The following KIR2DL4 variants were observed in gnomAD, a reference collection of about 807,000 sequenced individuals.
KIR2DL4 encodes killer cell immunoglobulin like receptor, two Ig domains and long cytoplasmic tail 4, also known as killer cell immunoglobulin-like receptor 2DL4.
In KIR2DL4, 41 loss-of-function variants were observed where a neutral mutation model predicts 31.0. The ratio of observed to expected loss-of-function variants is 1.32; its 90% CI spans 1.03 to 1.72. KIR2DL4 has a LOEUF of 1.72. Ranked by LOEUF, KIR2DL4 falls within the 40% of genes most tolerant of loss-of-function variation. The pLI, the probability that KIR2DL4 is intolerant of heterozygous loss-of-function variation, is 0.00. For synonymous variants in KIR2DL4, 164 were observed against 133.6 expected (o/e 1.23, Z -1.57); for missense variants, 438 against 353.7 (o/e 1.24, Z -1.91).
chr19:54,812,586 C>G (rs3865509), intron 5 of KIR2DL4, among the ~76,000 whole-genome samples: 6,192 of 149,820 alleles, frequency 0.041, 279 homozygotes, highest in East Asian at 0.091. Flanking sequence ...GCACGCTGTA[C>G]TAGAAGCAGG....
chr19:54,811,872 G>A (rs938247389), intron 5 of KIR2DL4, among the ~76,000 whole-genome samples: 46 of 151,408 alleles, frequency 3.0e-4, no homozygotes, highest in East Asian at 1.5e-3. Flanking sequence ...AGACTCTCGG[G>A]TGGAACAGCA....
rs604076 is a variant in KIR2DL4, at chr19:54,803,871, A to C, written c.41-20A>C. On this transcript the variant is annotated intron_variant, in intron 1 of 7. Coordinates refer to ENST00000359085, the Ensembl canonical transcript of KIR2DL4. Reference sequence around the variant, plus strand: ...AGGTTGCTGCCGAGATGAATAGTTCATCATGATCTTTCTTTGCAGGGTTCT... The same window carrying C: ...AGGTTGCTGCCGAGATGAATAGTTCCTCATGATCTTTCTTTGCAGGGTTCT... 355,185 of 1,606,390 alleles carry C rather than the reference A, an allele frequency of 0.22. 41,864 individuals are homozygous for C. Among genetic ancestry groups the C allele is most frequent in the South Asian group, 0.32 (28,703 of 90,304 alleles).
At chr19:54,813,954 A>G in exon 8 of KIR2DL4, 2 of 1,612,428 alleles carry the variant, frequency 1.2e-6, no homozygotes, top group African/African-American at 1.3e-5. Context: ...CCCTCAACAG[A>G]TACCAGCGTG....
rs994835235 is a variant in KIR2DL4, at chr19:54,805,685, A to G, written c.362-266A>G. On this transcript the variant is annotated intron_variant, in intron 3 of 7. Transcript: ENST00000359085. ...TAATTTTCTCCAGCAACAACAGGAA[A>G]CCAACACAGGAACCCAGGTGAAGGA... Among the ~76,000 whole-genome samples, 6 of 150,454 alleles carry G rather than the reference A, an allele frequency of 4.0e-5. No homozygotes were observed. In the East Asian group the frequency reaches 7.8e-4, roughly 20 times the overall value.
rs2060331760 is a variant in KIR2DL4 at position 54,803,909 on chromosome 19, G to A, written c.59G>A (p.Ser20Asn). 6.2e-7 allele frequency: 1 copy of A among 1,609,732 alleles called. No individual in the cohort carries two copies. The highest frequency in any genetic ancestry group is 1.1e-5 in the South Asian group (1 of 90,532). ...TTTGCAGGGTTCTTCTTGGACCAGA[G>A]TGTGTGGGCACACGTGGGTGAGTCC... Residue 20 changes from serine (S) to asparagine (N), a missense_variant, in exon 2 of 8, where the codon AGT (serine) becomes AAT (asparagine). Ser to Asn is a conservative substitution (Grantham distance 46). Coordinates refer to ENST00000359085, the Ensembl canonical transcript of KIR2DL4.
At chr19:54,810,893 T>G (rs2060828156) in intron 5 of KIR2DL4, among the ~76,000 whole-genome samples, 1 of 151,418 alleles carries the variant, frequency 6.6e-6, no homozygotes, top group Non-Finnish European at 1.5e-5. Flanking sequence ...GGTGCTGATT[T>G]AGACACTAAA....
At chr19:54,803,788 G>A in intron 1 of KIR2DL4, 97 bp downstream of exon 1, 1 of 1,563,940 alleles carries the variant, frequency 6.4e-7, no homozygotes, top group East Asian at 2.2e-5. Context: ...CAAGTGAGTG[G>A]TGAGGATGAG....
chr19:54,810,640 G>C (rs2060807714), intron 5 of KIR2DL4, among the ~76,000 whole-genome samples: 1 of 151,420 alleles, frequency 6.6e-6, no homozygotes, highest in African/African-American at 2.4e-5. Context: ...GAAATGCTGG[G>C]AATGACATGG....
intron 4 of KIR2DL4, among the ~76,000 whole-genome samples, chr19:54,808,564 T>C (rs2060666331): frequency 6.7e-6 from 1 of 150,086 alleles, no homozygotes; most frequent in Non-Finnish European, 1.5e-5. Flanking sequence ...TATGTGCTTT[T>C]CTTTATGCCA....
exon 1 of KIR2DL4, chr19:54,803,663 A>G: frequency 6.2e-7 from 1 of 1,611,688 alleles, no homozygotes; most frequent in South Asian, 1.1e-5. Context: ...TGTCCATGTC[A>G]CCCACGGTCA....
chr19:54,807,586 C>A lies in KIR2DL4; in HGVS notation c.656-1247C>A, dbSNP rs1450237066. 1.4e-4 allele frequency among the ~76,000 whole-genome samples: 21 copies of A among 149,210 alleles called. 2 individuals are homozygous for A. The highest frequency in any genetic ancestry group is 5.3e-4 in the African/African-American group (21 of 39,698). On this transcript the variant is annotated intron_variant, in intron 4 of 7. Coordinates refer to ENST00000359085, the Ensembl canonical transcript of KIR2DL4. Reference sequence around the variant, plus strand: ...CCGAGTAGTTGGGATTACTGGTGCCCGCCACCACGCCTGGCTGATTTTTGT... The same window carrying A: ...CCGAGTAGTTGGGATTACTGGTGCCAGCCACCACGCCTGGCTGATTTTTGT...
chr19:54,804,723 C>A, intron 2 of KIR2DL4, 70 bp from the exon 3 acceptor site: 9 of 1,501,532 alleles, frequency 6.0e-6, no homozygotes, highest in Non-Finnish European at 8.2e-6. Flanking sequence ...TGGGGAGAAT[C>A]TTCTGAGCAC....
rs112384686 is a variant in KIR2DL4 at position 54,807,013 on chromosome 19, C to CTAAATAAA, written c.655+780_655+787dup. On this transcript the variant is annotated intron_variant, in intron 4 of 7. Transcript: ENST00000359085. ...CTGGTGACACAGAGAGACTCTGTCT[C>CTAAATAAA]TAAATAAATAAATAAATACTTTTAT... 3.8e-4 allele frequency among the ~76,000 whole-genome samples: 53 copies of CTAAATAAA among 141,312 alleles called. 1 individual carries two copies. In the East Asian group the frequency reaches 7.2e-3, roughly 19 times the overall value. The allele number at this position is 141,312 out of a possible 152,430, so 92.7% of individuals were successfully genotyped here. A position where few individuals can be genotyped will look rare whatever the true frequency, so the allele number is the denominator to read the frequency against.
Position 54,813,762 on chromosome 19 carries a change from CCT to C in KIR2DL4, c.*41+22_*41+23del, listed in dbSNP as rs1266455806. 1 of 1,611,330 alleles carries C rather than the reference CCT, an allele frequency of 6.2e-7. No individual in the cohort carries two copies. The highest frequency in any genetic ancestry group is 8.5e-7 in the Non-Finnish European group (1 of 1,179,310). On this transcript the variant is annotated intron_variant, in intron 7 of 7. Coordinates refer to ENST00000359085, the Ensembl canonical transcript of KIR2DL4. ...AGGGAGGTAGGTCCTCCTAGCCCAGCCTCATGGATACAGTCTTATTCCGAAAT... is the reference window on the plus strand; with the variant it reads ...AGGGAGGTAGGTCCTCCTAGCCCAGCCATGGATACAGTCTTATTCCGAAAT...
In KIR2DL4 at chr19:54,809,944, T is replaced by C. The variant is rs192835571; in HGVS notation, c.706+1061T>C. On this transcript the variant is annotated intron_variant, in intron 5 of 7. Transcript: ENST00000359085. ...GATATGGCGACTAGGACAGGAATAT[T>C]TTGGGGTGGGGCGGCATTCTTATCC... 2.7e-3 allele frequency among the ~76,000 whole-genome samples: 398 copies of C among 149,324 alleles called. 13 individuals carry two copies. The highest frequency in any genetic ancestry group is 9.0e-3 in the African/African-American group (360 of 39,928).
intron 4 of KIR2DL4, among the ~76,000 whole-genome samples, chr19:54,807,218 A>G (rs1409066889): frequency 6.6e-6 from 1 of 150,498 alleles, no homozygotes; most frequent in African/African-American, 2.5e-5. Flanking sequence ...CTTTGTATGG[A>G]TGAGTTGTCT....
intron 4 of KIR2DL4, among the ~76,000 whole-genome samples, 184 bp from the exon 5 acceptor site, chr19:54,808,649 C>T (rs1276771396): frequency 1.3e-5 from 2 of 150,210 alleles, no homozygotes; most frequent in Non-Finnish European, 2.9e-5. Flanking sequence ...CTGTTTTCTC[C>T]TTATACCTTG....
intron 2 of KIR2DL4, among the ~76,000 whole-genome samples, chr19:54,804,180 TC>T (rs2060355696): frequency 6.9e-6 from 1 of 144,244 alleles, no homozygotes; most frequent in Non-Finnish European, 1.5e-5. Context: ...GTCTTAGCCC[TC>T]CCCAGCCTTT....
At position 54,804,778 on chromosome 19, in the gene KIR2DL4, C is replaced by T; in HGVS notation, c.77-15C>T. 1.9e-6 allele frequency: 3 copies of T among 1,608,906 alleles called. No individual in the cohort carries two copies. The highest frequency in any genetic ancestry group is 2.5e-6 in the Non-Finnish European group (3 of 1,178,072). On this transcript the variant is annotated splice_polypyrimidine_tract_variant and intron_variant, in intron 2 of 7. Transcript: ENST00000359085. Reference sequence around the variant, plus strand: ...AACATACTCCTCTCTGAGGCGGCATCTCCTTCTCCCCAAGGTGGTCAGGAC... The same window carrying T: ...AACATACTCCTCTCTGAGGCGGCATTTCCTTCTCCCCAAGGTGGTCAGGAC...
Sources: allele counts gnomAD v4.1 joint callset (sites outside exome capture counted in the v4.1 genomes callset), GRCh38; gene constraint gnomAD v4.1.1; transcripts MANE v1.5; gene names NCBI Gene and HGNC (gene_info 2026-07-23, HGNC 2026-07-21).